The following RBFOX3 variants were observed in gnomAD, a reference collection of about 807,000 sequenced individuals.
RBFOX3 encodes RNA binding protein fox-1 homolog 3.
In RBFOX3, 17 loss-of-function variants were observed where a neutral mutation model predicts 48.7. The observed-to-expected ratio is 0.35, with a 90% confidence interval of 0.24 to 0.52. The LOEUF (loss-of-function observed/expected upper bound fraction) is 0.52, where lower values mean the gene tolerates loss of function less well. Ranked by LOEUF, RBFOX3 falls within the 20% of genes least tolerant of loss-of-function variation. RBFOX3 has a pLI of 0.94. For synonymous variants in RBFOX3, 212 were observed against 209.5 expected (o/e 1.01, Z -0.10); for missense variants, 382 against 497.5 (o/e 0.77, Z 2.21).
intron 2 of RBFOX3, among the ~76,000 whole-genome samples, chr17:79,310,136 G>A (rs187693091): frequency 5.4e-4 from 82 of 152,310 alleles, no homozygotes; most frequent in African/African-American, 1.8e-3. Context: ...TACCCCGGAC[G>A]CGGTGTTCCA....
At chr17:79,263,471 G>A (rs1228525866) in intron 3 of RBFOX3, among the ~76,000 whole-genome samples, 1 of 152,230 alleles carries the variant, frequency 6.6e-6, no homozygotes, top group African/African-American at 2.4e-5. Flanking sequence ...ACCAGTCGTG[G>A]CGGGGCCCTG....
chr17:79,107,042 C>T (rs1395753427), intron 5 of RBFOX3, among the ~76,000 whole-genome samples: 4 of 152,238 alleles, frequency 2.6e-5, no homozygotes, highest in Admixed American at 1.3e-4. Flanking sequence ...GCCTCCCTCC[C>T]GCCATCCCAG....
intron 3 of RBFOX3, among the ~76,000 whole-genome samples, chr17:79,283,093 C>T (rs539824247): frequency 2.7e-5 from 4 of 150,528 alleles, no homozygotes; most frequent in East Asian, 3.9e-4. Context: ...GAAATCAAGG[C>T]GGGGGCGGGA....
intron 4 of RBFOX3, among the ~76,000 whole-genome samples, chr17:79,157,948 G>C (rs2046187378): frequency 6.6e-6 from 1 of 152,182 alleles, no homozygotes; most frequent in Non-Finnish European, 1.5e-5. Context: ...CGACCGAGCT[G>C]TATCACCCGC....
the RBFOX3 span, among the ~76,000 whole-genome samples, chr17:79,637,817 G>C: frequency 6.8e-6 from 1 of 147,340 alleles, no homozygotes; most frequent in African/African-American, 2.5e-5. Flanking sequence ...GGAAGGGAAG[G>C]GAAGGGAAGG....
chr17:79,310,361 C>G (rs1022982872), intron 2 of RBFOX3, among the ~76,000 whole-genome samples: 4 of 152,140 alleles, frequency 2.6e-5, no homozygotes, highest in African/African-American at 9.7e-5. Context: ...ATGACTGGTG[C>G]AAACCTCAGC....
intron 1 of RBFOX3, among the ~76,000 whole-genome samples, chr17:79,518,517 G>A (rs2085580974): frequency 6.6e-6 from 1 of 152,224 alleles, no homozygotes. Context: ...CCAAAGCCTG[G>A]CTCATACCCA....
At chr17:79,651,871 A>G in the RBFOX3 span, among the ~76,000 whole-genome samples, 83 of 13,332 alleles carry the variant, frequency 6.2e-3, 2 homozygotes, top group East Asian at 0.17. Context: ...ACCACCCCCC[A>G]TCACTGGCTT....
rs1011831535 is a variant in RBFOX3, at chr17:79,490,620, G to C, written c.-319-8022C>G. ...TAGTTTCCAGTTTCTGGCCCTTCCA[G>C]AGAGCATCACTGCTGTGCTAAACAT... is the stretch of plus-strand genomic sequence containing the variant. On this transcript the variant is annotated intron_variant, in intron 1 of 14. Coordinates refer to ENST00000693108, the MANE Select transcript of RBFOX3 (RefSeq NM_001350451.2). Among the ~76,000 whole-genome samples, 225 of 152,190 alleles carry C rather than the reference G, an allele frequency of 1.5e-3. 2 individuals carry two copies. The highest frequency in any genetic ancestry group is 5.1e-3 in the African/African-American group (212 of 41,522).
chr17:79,646,591 T>C, the RBFOX3 span, among the ~76,000 whole-genome samples: 1 of 152,114 alleles, frequency 6.6e-6, no homozygotes, highest in Admixed American at 6.5e-5. Flanking sequence ...GAGAACAATA[T>C]GGGGGAAACT....
At chr17:79,312,025 T>C (rs942104852) in intron 2 of RBFOX3, among the ~76,000 whole-genome samples, 3 of 152,216 alleles carry the variant, frequency 2.0e-5, no homozygotes, top group African/African-American at 7.2e-5. Context: ...TCCCCCTTCC[T>C]GACTATCATT....
intron 3 of RBFOX3, among the ~76,000 whole-genome samples, chr17:79,256,927 A>AAACAAAC (rs2064957182): frequency 2.1e-5 from 3 of 144,954 alleles, no homozygotes; most frequent in African/African-American, 8.0e-5. Flanking sequence ...ATCTCAAAAC[A>AAACAAAC]AACAAACAAA....
At chr17:79,474,986 C>T (rs1167129214) in intron 2 of RBFOX3, among the ~76,000 whole-genome samples, 25 of 152,332 alleles carry the variant, frequency 1.6e-4, no homozygotes, top group South Asian at 8.3e-4. Context: ...AGCTCTACAA[C>T]GCCTCCCTCT....
At chr17:79,259,741 C>T (rs960564912) in intron 3 of RBFOX3, among the ~76,000 whole-genome samples, 1 of 152,080 alleles carries the variant, frequency 6.6e-6, no homozygotes, top group Admixed American at 6.5e-5. Flanking sequence ...GGGACAGGCT[C>T]GGTGTGGCCT....
At chr17:79,284,605 T>C (rs1422346007) in intron 3 of RBFOX3, among the ~76,000 whole-genome samples, 2 of 150,820 alleles carry the variant, frequency 1.3e-5, no homozygotes, top group East Asian at 2.0e-4. Flanking sequence ...AGTGGCTTGA[T>C]CTCGACTTAC....
intron 4 of RBFOX3, among the ~76,000 whole-genome samples, chr17:79,217,098 C>T (rs1349681528): frequency 2.0e-5 from 3 of 152,224 alleles, no homozygotes; most frequent in Non-Finnish European, 4.4e-5. Context: ...GGGAGCCCCT[C>T]CCCGCACGGC....
intron 5 of RBFOX3, 32 bp from the exon 6 acceptor site, chr17:79,106,820 C>A: frequency 6.7e-7 from 1 of 1,486,740 alleles, no homozygotes; most frequent in Non-Finnish European, 8.9e-7. Context: ...GTGGAGGCTG[C>A]CTCTGTGTGC....
intron 3 of RBFOX3, among the ~76,000 whole-genome samples, chr17:79,263,208 C>T (rs1170909671): frequency 2.0e-5 from 3 of 152,242 alleles, no homozygotes; most frequent in Non-Finnish European, 4.4e-5. Flanking sequence ...AGGGCTCAGG[C>T]TCTGGAAACA....
In RBFOX3 at chr17:79,548,075, T is replaced by C. The variant is rs564433818; in HGVS notation, c.-320+62751A>G. Among the ~76,000 whole-genome samples the C allele has an allele frequency of 4.6e-5, 7 of 152,312 alleles. No individual in the cohort carries two copies. In the East Asian group the frequency reaches 1.3e-3, roughly 29 times the overall value. On this transcript the variant is annotated intron_variant, in intron 1 of 14. Coordinates refer to ENST00000693108, the MANE Select transcript of RBFOX3 (RefSeq NM_001350451.2). Reference sequence around the variant, plus strand: ...CCTCAAATATTATGGAAAAATCAAGTTCCCAGGCAGAGTTTCCACTCAGGT... The same window carrying C: ...CCTCAAATATTATGGAAAAATCAAGCTCCCAGGCAGAGTTTCCACTCAGGT...
Sources: gnomAD v4.1 joint callset for allele counts (sites outside exome capture counted in the v4.1 genomes callset) on GRCh38, gnomAD v4.1.1 for gene constraint, MANE v1.5 for transcripts, NCBI Gene and HGNC (gene_info 2026-07-23, HGNC 2026-07-21) for gene names.